Variants in EXOC2 observed in about 807,000 individuals in gnomAD.
EXOC2 encodes the protein exocyst complex component 2, also known as SEC5-like 1.
A neutral mutation model predicts 131.8 loss-of-function variants in EXOC2; 70 were observed. The ratio of observed to expected loss-of-function variants is 0.53; its 90% CI spans 0.44 to 0.65. The LOEUF is 0.65. EXOC2 is among the 30% of genes least tolerant of loss of function. The pLI is 0.00. For synonymous variants in EXOC2, 411 were observed against 398.4 expected (o/e 1.03, Z -0.38); for missense variants, 923 against 1,108.6 (o/e 0.83, Z 2.38).
chr6:688,228 T>C (rs1764755599), intron 1 of EXOC2, among the ~76,000 whole-genome samples: 1 of 152,132 alleles, frequency 6.6e-6, no homozygotes, highest in African/African-American at 2.4e-5. Context: ...AAAAGTACAT[T>C]CTGCAGAGAT....
chr6:629,864 A>G lies in EXOC2; in HGVS notation c.393T>C (p.Pro131=), dbSNP rs761322219. 14 of 1,614,030 alleles carry G rather than the reference A, an allele frequency of 8.7e-6. No homozygotes were observed. Residue 131 remains proline (P), a synonymous_variant, in exon 4 of 28, where the codon CCT becomes CCC. Transcript: ENST00000230449. ...NKGIPPLSLR[P]ANPLGIEIEK... is the part of the protein sequence containing the mutation. Reference sequence around the variant, plus strand: ...CAATCTCAATGCCAAGCGGGTTAGCAGGACGTAAGGACAAGGGCGGAATTC... The same window carrying G: ...CAATCTCAATGCCAAGCGGGTTAGCGGGACGTAAGGACAAGGGCGGAATTC...
At chr6:603,819 C>G (rs1266221952) in intron 7 of EXOC2, among the ~76,000 whole-genome samples, 1 of 152,136 alleles carries the variant, frequency 6.6e-6, no homozygotes, top group Non-Finnish European at 1.5e-5. Flanking sequence ...ACTCCCAAAT[C>G]TGTGTTTCAA....
chr6:637,675 G>T (rs748868052), intron 2 of EXOC2, 26 bp downstream of exon 2: 2 of 1,558,158 alleles, frequency 1.3e-6, no homozygotes, highest in Non-Finnish European at 8.7e-7. Context: ...GATTAGCAGG[G>T]TGCGTCGCAG....
At chr6:596,776 GA>G (rs1374054278) in intron 10 of EXOC2, among the ~76,000 whole-genome samples, 1 of 151,984 alleles carries the variant, frequency 6.6e-6, no homozygotes, top group Non-Finnish European at 1.5e-5. Context: ...AATTCAAGTG[GA>G]AAAACCATTA....
intron 25 of EXOC2, among the ~76,000 whole-genome samples, chr6:492,133 T>A (rs113608251): frequency 6.6e-6 from 1 of 152,180 alleles, no homozygotes; most frequent in Non-Finnish European, 1.5e-5. Context: ...ACAAAACAGA[T>A]AAAGTGGACT....
intron 7 of EXOC2, among the ~76,000 whole-genome samples, chr6:609,320 C>G (rs930898959): frequency 6.6e-6 from 1 of 152,210 alleles, no homozygotes; most frequent in Non-Finnish European, 1.5e-5. Flanking sequence ...CTTAACTCTA[C>G]TTCCTGATGA....
intron 23 of EXOC2, among the ~76,000 whole-genome samples, chr6:527,433 G>A (rs1283266361): frequency 6.6e-6 from 1 of 152,238 alleles, no homozygotes; most frequent in Non-Finnish European, 1.5e-5. Flanking sequence ...GACTTGAGAA[G>A]AGCTGTGCTT....
intron 1 of EXOC2, among the ~76,000 whole-genome samples, chr6:674,813 C>T (rs980611341): frequency 6.6e-6 from 1 of 152,038 alleles, no homozygotes; most frequent in African/African-American, 2.4e-5. Context: ...CCTCTGAGAA[C>T]TGGCTAATTC....
At chr6:669,054 T>C (rs972804914) in intron 1 of EXOC2, 1 of 152,296 alleles carries the variant, frequency 6.6e-6, no homozygotes, top group Non-Finnish European at 1.5e-5. Context: ...ACTGGTATGT[T>C]TGCTCCTCGA....
chr6:555,866 A>T, intron 19 of EXOC2, 88 bp downstream of exon 19: 1 of 1,291,596 alleles, frequency 7.7e-7, no homozygotes, highest in East Asian at 2.3e-5. Context: ...TATTTGGTGA[A>T]CGTCATCTGC....
At position 677,099 on chromosome 6, in the gene EXOC2, C is replaced by G. The variant is rs138377336; in HGVS notation, c.-44+15920G>C. Among the ~76,000 whole-genome samples the G allele has an allele frequency of 7.3e-4, 39 of 53,178 alleles. 3 individuals are homozygous for G. Among genetic ancestry groups the G allele is most frequent in the African/African-American group, 1.3e-3 (25 of 19,350 alleles). The allele number at this position is 53,178 out of a possible 152,430, so 34.9% of individuals were successfully genotyped here. A position where few individuals can be genotyped will look rare whatever the true frequency, so the allele number is the denominator to read the frequency against. ...CTCTTCAACATTACGGAAAGGACAG[C>G]TTTCTCTGGAGACTGCGGTTTCCCA... On this transcript the variant is annotated intron_variant, in intron 1 of 27. Coordinates refer to ENST00000230449, the MANE Select transcript of EXOC2 (RefSeq NM_018303.6).
rs533214568 is a variant in EXOC2 at position 521,157 on chromosome 6, C to T, written c.2380+11312G>A. On this transcript the variant is annotated intron_variant, in intron 23 of 27. Transcript: ENST00000230449. ...AGTGCCTACACTCACTGTCCACACT[C>T]GGAGATGAAAACAACCACCCACTGA... Among the ~76,000 whole-genome samples, 10 of 150,810 alleles carry T rather than the reference C, an allele frequency of 6.6e-5. 1 individual carries two copies. Among genetic ancestry groups the T allele is most frequent in the Admixed American group, 5.9e-4 (9 of 15,210 alleles).
intron 3 of EXOC2, 24 bp downstream of exon 3, chr6:632,917 G>A: frequency 6.3e-7 from 1 of 1,589,650 alleles, no homozygotes; most frequent in Non-Finnish European, 8.6e-7. Flanking sequence ...TTCTTCTTTA[G>A]AATAAACCCA....
intron 2 of EXOC2, among the ~76,000 whole-genome samples, chr6:635,778 A>G (rs1221477214): frequency 6.6e-6 from 1 of 152,258 alleles, no homozygotes; most frequent in Non-Finnish European, 1.5e-5. Context: ...AAAGTAATAC[A>G]CAGGCCAGGC....
At chr6:523,480 G>T (rs1172885170) in intron 23 of EXOC2, among the ~76,000 whole-genome samples, 1 of 152,212 alleles carries the variant, frequency 6.6e-6, no homozygotes, top group African/African-American at 2.4e-5. Context: ...CTTTATGAAT[G>T]AAAAATGTAC....
At chr6:563,032 T>C (rs542207139) in intron 16 of EXOC2, among the ~76,000 whole-genome samples, 187 bp from the exon 17 acceptor site, 20 of 152,360 alleles carry the variant, frequency 1.3e-4, no homozygotes, top group African/African-American at 3.4e-4. Context: ...CACTGGATGA[T>C]TCTACTAAGA....
At chr6:553,514 G>T (rs917876148) in intron 21 of EXOC2, among the ~76,000 whole-genome samples, 3 of 151,980 alleles carry the variant, frequency 2.0e-5, no homozygotes, top group South Asian at 4.2e-4. Flanking sequence ...GGCAGGAGCC[G>T]TGAGGGGGTG....
chr6:545,490 T>C (rs1181867384), intron 22 of EXOC2, among the ~76,000 whole-genome samples: 1 of 152,208 alleles, frequency 6.6e-6, no homozygotes, highest in Admixed American at 6.5e-5. Flanking sequence ...ATCTTAACTC[T>C]CTAAGAGCCT....
At chr6:663,665 A>G (rs1242418277) in intron 1 of EXOC2, among the ~76,000 whole-genome samples, 1 of 152,222 alleles carries the variant, frequency 6.6e-6, no homozygotes, top group Non-Finnish European at 1.5e-5. Flanking sequence ...TACACCACAT[A>G]AACAGAATTA....
Sources: allele counts gnomAD v4.1 joint callset (sites outside exome capture counted in the v4.1 genomes callset), GRCh38; gene constraint gnomAD v4.1.1; transcripts MANE v1.5; gene names NCBI Gene and HGNC (gene_info 2026-07-23, HGNC 2026-07-21).